Variants in TBX5 observed in about 807,000 individuals in gnomAD.
TBX5 encodes T-box transcription factor 5, also known as T-box transcription factor TBX5.
TBX5 carries 8 observed loss-of-function variants against 51.1 expected under a neutral mutation model. That is an observed-to-expected ratio of 0.16 (90% CI 0.09 to 0.28). TBX5 has a LOEUF of 0.28. TBX5 is among the 10% of genes least tolerant of loss of function. The pLI is 1.00. For synonymous variants in TBX5, 302 were observed against 266.4 expected (o/e 1.13, Z -1.30); for missense variants, 589 against 671.7 (o/e 0.88, Z 1.36).
At position 114,355,883 on chromosome 12, in the gene TBX5, T is replaced by G. The variant is rs763129045; in HGVS notation, c.1206A>C (p.Pro402=). The part of the protein sequence containing the change: ...SLEDISCNTW[P]SMPSYSSCTV... ...TGCAGCTGCTGTAGGAAGGCATGCT[T>G]GGCCACGTGTTGCAGCTGATGTCCT... The change falls in exon 9 of 9, where the codon CCA becomes CCC. Residue 402 remains proline, a synonymous_variant. Transcript: ENST00000405440. 22 of 1,613,608 alleles carry G rather than the reference T, an allele frequency of 1.4e-5. No individual in the cohort carries two copies. Among genetic ancestry groups the G allele is most frequent in the Non-Finnish European group, 1.8e-5 (21 of 1,180,034 alleles).
At chr12:114,360,019 C>G (rs746349473) in intron 8 of TBX5, among the ~76,000 whole-genome samples, 49 of 152,186 alleles carry the variant, frequency 3.2e-4, no homozygotes, top group Middle Eastern at 3.2e-3. Context: ...AGCTGGAAAG[C>G]TCACAGAGTG....
At chr12:114,391,487 T>C (rs1871139870) in intron 6 of TBX5, among the ~76,000 whole-genome samples, 1 of 152,176 alleles carries the variant, frequency 6.6e-6, no homozygotes, top group Non-Finnish European at 1.5e-5. Context: ...CTGTGCTAGC[T>C]CTCTGCCAGG....
At chr12:114,368,804 C>A (rs1277439544) in intron 7 of TBX5, among the ~76,000 whole-genome samples, 2 of 152,154 alleles carry the variant, frequency 1.3e-5, no homozygotes, top group East Asian at 3.9e-4. Context: ...CACAGAGCAT[C>A]TGCCAAGTTT....
At chr12:114,392,762 A>T (rs538832505) in intron 6 of TBX5, among the ~76,000 whole-genome samples, 1 of 152,180 alleles carries the variant, frequency 6.6e-6, no homozygotes, top group South Asian at 2.1e-4. Flanking sequence ...AGCTAAACAC[A>T]GGTTTACAGC....
chr12:114,356,559 C>A (rs995914513), intron 8 of TBX5, among the ~76,000 whole-genome samples: 1 of 152,068 alleles, frequency 6.6e-6, no homozygotes, highest in Admixed American at 6.6e-5. Context: ...GTGAGACCCC[C>A]CATCTCAAAA....
chr12:114,376,865 C>T (rs980140505), intron 7 of TBX5, among the ~76,000 whole-genome samples: 1 of 151,154 alleles, frequency 6.6e-6, no homozygotes, highest in African/African-American at 2.4e-5. Context: ...TTCTCCCAAC[C>T]CTGTTCCTGA....
intron 7 of TBX5, among the ~76,000 whole-genome samples, chr12:114,380,737 G>T (rs749285847): frequency 3.3e-5 from 5 of 152,168 alleles, no homozygotes; most frequent in African/African-American, 1.2e-4. Flanking sequence ...GCTAAGGCAG[G>T]AGGATTGCTG....
At chr12:114,387,745 G>A (rs1047818910) in intron 6 of TBX5, among the ~76,000 whole-genome samples, 1 of 152,196 alleles carries the variant, frequency 6.6e-6, no homozygotes, top group Non-Finnish European at 1.5e-5. Flanking sequence ...TGGTGGGGGT[G>A]GCTGTGCATG....
chr12:114,394,489 T>C (rs768423627), intron 6 of TBX5, among the ~76,000 whole-genome samples: 1 of 152,218 alleles, frequency 6.6e-6, no homozygotes, highest in African/African-American at 2.4e-5. Flanking sequence ...GGCCCATCTA[T>C]GGTTTGACAA....
At chr12:114,382,382 G>A (rs1204942543) in intron 7 of TBX5, among the ~76,000 whole-genome samples, 1 of 152,208 alleles carries the variant, frequency 6.6e-6, no homozygotes, top group Non-Finnish European at 1.5e-5. Context: ...TAGGAGAGTT[G>A]GCCAGGGGCT....
intron 7 of TBX5, among the ~76,000 whole-genome samples, chr12:114,381,121 G>C (rs923667681): frequency 6.6e-6 from 1 of 152,184 alleles, no homozygotes. Flanking sequence ...CATCATCTGC[G>C]TTTTCCAAAC....
intron 6 of TBX5, among the ~76,000 whole-genome samples, chr12:114,393,780 T>G (rs897953516): frequency 6.6e-6 from 1 of 152,166 alleles, no homozygotes; most frequent in Admixed American, 6.5e-5. Context: ...TCCCAAGCAA[T>G]GCAGGTCTGC....
chr12:114,378,079 A>G (rs1352114342), intron 7 of TBX5, among the ~76,000 whole-genome samples: 6 of 152,130 alleles, frequency 3.9e-5, no homozygotes, highest in Non-Finnish European at 7.4e-5. Flanking sequence ...TGCCGTCTGC[A>G]GCACACTAAG....
chr12:114,407,147 G>A, upstream of TBX5: 1 of 980,856 alleles, frequency 1.0e-6, no homozygotes, highest in Non-Finnish European at 1.2e-6. Flanking sequence ...AAAATCCCAG[G>A]CCAGGCCATT....
chr12:114,396,628 GA>G (rs918822001), intron 5 of TBX5, among the ~76,000 whole-genome samples: 2 of 152,140 alleles, frequency 1.3e-5, no homozygotes, highest in African/African-American at 2.4e-5. Context: ...GAGGAGCAGA[GA>G]AAAAGCTAGG....
At chr12:114,402,633 T>C (rs948113822) in intron 2 of TBX5, among the ~76,000 whole-genome samples, 1 of 152,210 alleles carries the variant, frequency 6.6e-6, no homozygotes, top group African/African-American at 2.4e-5. Flanking sequence ...ATTTTGATTA[T>C]AGGACACGCC....
At chr12:114,357,137 G>T (rs1868970108) in intron 8 of TBX5, among the ~76,000 whole-genome samples, 1 of 152,098 alleles carries the variant, frequency 6.6e-6, no homozygotes, top group South Asian at 2.1e-4. Context: ...TTGTTAAGTT[G>T]GTACAAGTTA....
intron 6 of TBX5, among the ~76,000 whole-genome samples, chr12:114,388,934 T>C (rs1420768778): frequency 1.3e-5 from 2 of 150,988 alleles, no homozygotes; most frequent in African/African-American, 2.4e-5. Context: ...TTTTTATTTA[T>C]ATTTTATTTT....
intron 7 of TBX5, among the ~76,000 whole-genome samples, chr12:114,372,512 T>C (rs1272350573): frequency 6.6e-6 from 1 of 151,658 alleles, no homozygotes; most frequent in Non-Finnish European, 1.5e-5. Flanking sequence ...GGTCTTGCTA[T>C]ATTGCCCAGG....
Sources: allele counts gnomAD v4.1 joint callset (sites outside exome capture counted in the v4.1 genomes callset), GRCh38; gene constraint gnomAD v4.1.1; transcripts MANE v1.5; gene names NCBI Gene and HGNC (gene_info 2026-07-23, HGNC 2026-07-21).